The following SYT7 variants were observed in gnomAD, a reference collection of about 807,000 sequenced individuals.
SYT7 encodes synaptotagmin 7, also known as synaptotagmin-7.
SYT7 carries 29 observed loss-of-function variants against 75.1 expected under a neutral mutation model. That is an observed-to-expected ratio of 0.39 (90% confidence interval 0.29 to 0.53). SYT7 has a LOEUF of 0.53. SYT7 is among the 20% of genes least tolerant of loss of function. The pLI, the probability that SYT7 is intolerant of heterozygous loss-of-function variation, is 0.77. For missense variants in SYT7, 693 were observed against 953.2 expected, an observed-to-expected ratio of 0.73 and a Z score of 3.59; for synonymous variants, 376 against 401.7, an observed-to-expected ratio of 0.94 and a Z score of 0.76.
At chr11:61,552,927 T>G (rs2063394402) in intron 2 of SYT7, among the ~76,000 whole-genome samples, 1 of 152,162 alleles carries the variant, frequency 6.6e-6, no homozygotes, top group African/African-American at 2.4e-5. Context: ...TTACTTCAGC[T>G]CCTATCTCCC....
At position 61,542,846 on chromosome 11, in the gene SYT7, C is replaced by T. The variant is rs909990965; in HGVS notation, c.573-267G>A. On this transcript the variant is annotated intron_variant, in intron 5 of 12. Coordinates refer to ENST00000539008, the MANE Select transcript of SYT7 (RefSeq NM_001365809.2). This position sits in a 1 kb window ranked among gnomAD's most constrained non-coding sequence, Gnocchi z 7.8. The stretch of plus-strand genomic sequence containing the variant: ...CCTGGCTCAGCTAGTGCCAGAATAC[C>T]TCCTGGCTAGGCCGACCTCCCTGCC... Among the ~76,000 whole-genome samples the T allele has an allele frequency of 2.6e-5, 4 of 152,194 alleles. No individual in the cohort carries two copies. Among genetic ancestry groups the T allele is most frequent in the Non-Finnish European group, 4.4e-5 (3 of 68,028 alleles).
At chr11:61,585,692 C>T (rs990123539), upstream of SYT7, among the ~76,000 whole-genome samples, 2 of 152,210 alleles carry the variant, frequency 1.3e-5, no homozygotes, top group South Asian at 2.1e-4. Flanking sequence ...TGCCTCCTCT[C>T]GCCAGACCCA....
intron 1 of SYT7, among the ~76,000 whole-genome samples, chr11:61,557,117 C>T (rs535203179): frequency 2.5e-4 from 38 of 152,322 alleles, no homozygotes; most frequent in Admixed American, 4.6e-4. Context: ...CCTCCTCCCC[C>T]GCCCTCCTCA....
chr11:61,564,658 C>CT (rs2063720702), intron 1 of SYT7, among the ~76,000 whole-genome samples: 1 of 152,156 alleles, frequency 6.6e-6, no homozygotes, highest in African/African-American at 2.4e-5. Flanking sequence ...ATCAGACACT[C>CT]TGAGAATAGA....
intron 7 of SYT7, among the ~76,000 whole-genome samples, chr11:61,535,947 G>C (rs915615183): frequency 6.6e-6 from 1 of 152,162 alleles, no homozygotes; most frequent in Non-Finnish European, 1.5e-5. Flanking sequence ...AGTTCTGAGG[G>C]TCCAGGAGCT....
chr11:61,570,072 C>G (rs1031487978), intron 1 of SYT7, among the ~76,000 whole-genome samples: 3 of 152,282 alleles, frequency 2.0e-5, no homozygotes, highest in Non-Finnish European at 4.4e-5. Flanking sequence ...CCAGGAACTT[C>G]TGGGGCTGTG....
At chr11:61,569,919 G>A (rs1430176315) in intron 1 of SYT7, among the ~76,000 whole-genome samples, 3 of 152,176 alleles carry the variant, frequency 2.0e-5, no homozygotes, top group Admixed American at 6.5e-5. Context: ...AGGTGCGGGC[G>A]GGCATGATGG....
Position 61,547,162 on chromosome 11 carries a change from G to A in SYT7, c.347+15C>T, listed in dbSNP as rs1298663287. ...ATACTCGGTACATATGATCAAACCAGGTAAAGTCACTCACTTGAGGGACAG... is the reference window on the plus strand; with the variant it reads ...ATACTCGGTACATATGATCAAACCAAGTAAAGTCACTCACTTGAGGGACAG... On this transcript the variant is annotated intron_variant, in intron 4 of 12. Coordinates refer to ENST00000539008, the MANE Select transcript of SYT7 (RefSeq NM_001365809.2). 1 of 1,534,940 alleles carries A rather than the reference G, an allele frequency of 6.5e-7. No homozygotes were observed. Among genetic ancestry groups the A allele is most frequent in the Admixed American group, 2.0e-5 (1 of 50,978 alleles).
At chr11:61,560,953 G>T (rs900152746) in intron 1 of SYT7, among the ~76,000 whole-genome samples, 4 of 152,134 alleles carry the variant, frequency 2.6e-5, no homozygotes, top group African/African-American at 9.7e-5. Context: ...CTGGTCCTGA[G>T]CCTGCCCTCC....
At chr11:61,552,984 T>G (rs1048118227) in intron 2 of SYT7, among the ~76,000 whole-genome samples, 1 of 152,176 alleles carries the variant, frequency 6.6e-6, no homozygotes, top group Admixed American at 6.5e-5. Flanking sequence ...TGGTACTTAG[T>G]GTGGAACCTG....
intron 5 of SYT7, among the ~76,000 whole-genome samples, chr11:61,544,525 G>A (rs7926327): frequency 1.3e-5 from 2 of 152,180 alleles, no homozygotes; most frequent in Non-Finnish European, 2.9e-5. Context: ...AGGCCTGGCC[G>A]GCCAGGTAGG....
At chr11:61,547,031 T>G (rs1590891643) in intron 4 of SYT7, 146 bp downstream of exon 4, 103 of 952,266 alleles carry the variant, frequency 1.1e-4, no homozygotes, top group East Asian at 1.5e-4. Flanking sequence ...GGCCTGCCCA[T>G]GGGGTGGATG....
chr11:61,585,925 T>C (rs1208956545), upstream of SYT7, among the ~76,000 whole-genome samples: 1 of 152,178 alleles, frequency 6.6e-6, no homozygotes, highest in Non-Finnish European at 1.5e-5. Context: ...AAAATAAGGC[T>C]AAGAATTGCT....
intron 8 of SYT7, chr11:61,530,766 C>T: frequency 1.0e-6 from 1 of 979,392 alleles, no homozygotes; most frequent in South Asian, 4.7e-5. Flanking sequence ...AGGTAGGTTT[C>T]ACCTGGGAAA....
intron 5 of SYT7, among the ~76,000 whole-genome samples, chr11:61,544,041 C>T (rs1002435788): frequency 3.3e-5 from 5 of 152,190 alleles, no homozygotes; most frequent in Admixed American, 1.3e-4. Flanking sequence ...GGAACCAAGC[C>T]ATTGGCATTA....
At position 61,527,890 on chromosome 11, in the gene SYT7, C is replaced by A. The variant is rs371990382; in HGVS notation, c.1471+25G>T. 29 of 1,609,210 alleles carry A rather than the reference C, an allele frequency of 1.8e-5. No homozygotes were observed. In the Admixed American group the frequency reaches 4.0e-4, roughly 22 times the overall value. On this transcript the variant is annotated intron_variant, in intron 9 of 12. Coordinates refer to ENST00000539008, the MANE Select transcript of SYT7 (RefSeq NM_001365809.2). ...GGTAGACAGCAAGAGGTGACCATGG[C>A]GGGGGAAGGTGGCACTAGACTCACC...
Position 61,542,353 on chromosome 11 carries a change from A to G in SYT7, c.799T>C (p.Tyr267His). 6.5e-7 allele frequency: 1 copy of G among 1,530,294 alleles called. No homozygotes were observed. The highest frequency in any genetic ancestry group is 8.7e-7 in the Non-Finnish European group (1 of 1,144,210). 94.8% of individuals were successfully genotyped at this position (1,530,294 alleles called of 1,614,324 possible). A position where few individuals can be genotyped will look rare whatever the true frequency, so the allele number is the denominator to read the frequency against. The change falls in exon 6 of 13, where the codon TAT becomes CAT. Residue 267 changes from tyrosine to histidine, a missense_variant. Tyr to His is a moderately conservative substitution (Grantham distance 83, BLOSUM62 2). Transcript: ENST00000539008. This position sits in a 1 kb window ranked among gnomAD's most constrained non-coding sequence, Gnocchi z 7.8. The stretch of plus-strand genomic sequence containing the variant: ...CCCTGCCGAGCCTGGCCCCGGCCAT[A>G]GGCCCGGGGGTTGGGGCCTGGTGCC... ...ASAPGPNPRA[Y>H]GRGQARQGTS... is the part of the protein sequence containing the mutation.
chr11:61,556,128 G>A lies in SYT7; in HGVS notation c.111C>T (p.Leu37=). The A allele has an allele frequency of 1.9e-6, 3 of 1,613,992 alleles. No individual in the cohort carries two copies. The highest frequency in any genetic ancestry group is 2.5e-6 in the Non-Finnish European group (3 of 1,179,958). Residue 37 remains leucine (L), a synonymous_variant, in exon 2 of 13, where the codon CTC becomes CTT. Coordinates refer to ENST00000539008, the MANE Select transcript of SYT7 (RefSeq NM_001365809.2). ...SLSVTVVLCG[L]CHWCQRKLGK... ...CCAGTTTGCGCTGACACCAGTGGCA[G>A]AGGCCGCAGAGGACGACAGTGACGC... is the stretch of plus-strand genomic sequence containing the variant.
intron 5 of SYT7, among the ~76,000 whole-genome samples, chr11:61,544,948 C>G (rs1016185402): frequency 4.0e-4 from 61 of 152,250 alleles, no homozygotes; most frequent in African/African-American, 1.3e-3. Flanking sequence ...TCAGGAGGAC[C>G]CTCAGTTGAG....
Sources: gnomAD v4.1 joint callset for allele counts (sites outside exome capture counted in the v4.1 genomes callset) on GRCh38, gnomAD v4.1.1 for gene constraint, Gnocchi (gnomAD v3.1) non-coding constraint, MANE v1.5 for transcripts, NCBI Gene and HGNC (gene_info 2026-07-23, HGNC 2026-07-21) for gene names.